The following ARHGEF7 variants were observed in gnomAD, a reference collection of about 807,000 sequenced individuals.
ARHGEF7 encodes Rho guanine nucleotide exchange factor 7.
In ARHGEF7, 33 loss-of-function variants were observed where a neutral mutation model predicts 109.8. The ratio of observed to expected loss-of-function variants is 0.30; its 90% CI spans 0.23 to 0.40. The LOEUF (loss-of-function observed/expected upper bound fraction) is 0.40. Among genes scored for constraint, ARHGEF7 ranks in the 10% least tolerant of loss-of-function variants. ARHGEF7 has a pLI of 1.00. For missense variants in ARHGEF7, 938 were observed against 1,098.5 expected, an observed-to-expected ratio of 0.85 and a Z score of 2.07; for synonymous variants, 458 against 424.6, an observed-to-expected ratio of 1.08 and a Z score of -0.97.
intron 6 of ARHGEF7, among the ~76,000 whole-genome samples, chr13:111,234,031 CCTCT>C (rs1458799121): frequency 1.3e-5 from 2 of 151,876 alleles, no homozygotes; most frequent in Non-Finnish European, 2.9e-5. Context: ...CAAAGTAAAC[CCTCT>C]AAACATGTGT....
At chr13:111,204,637 G>A (rs1274651381) in intron 2 of ARHGEF7, among the ~76,000 whole-genome samples, 1 of 152,002 alleles carries the variant, frequency 6.6e-6, no homozygotes, top group Non-Finnish European at 1.5e-5. Context: ...GTGGCAATGT[G>A]ACCAGCTCCA....
chr13:111,253,902 C>T (rs898217613), intron 8 of ARHGEF7, among the ~76,000 whole-genome samples: 37 of 152,238 alleles, frequency 2.4e-4, no homozygotes, highest in African/African-American at 8.4e-4. Flanking sequence ...GGCTCTGCTG[C>T]ATGCCACCAT....
intron 8 of ARHGEF7, among the ~76,000 whole-genome samples, chr13:111,261,565 A>G (rs2091093075): frequency 6.6e-6 from 1 of 152,214 alleles, no homozygotes; most frequent in South Asian, 2.1e-4. Context: ...CAGAAAAGCA[A>G]CAAAGACACT....
rs2092427218 is a variant in ARHGEF7 at position 111,275,555 on chromosome 13, G to A, written c.1296G>A (p.Lys432=). ...NLSAQCQEVR[K]RKELELQILT... is the part of the protein sequence containing the mutation. ...AGGCCCAATGTCAAGAAGTCCGGAA[G>A]AGGAAAGAGCTTGAGCTGCAGATCC... The change falls in exon 12 of 22, where the codon AAG becomes AAA. Residue 432 remains lysine (K), a synonymous_variant. Coordinates refer to ENST00000646102, the MANE Select transcript of ARHGEF7 (RefSeq NM_001354046.2). 1 of 1,614,026 alleles carries A rather than the reference G, an allele frequency of 6.2e-7. No homozygotes were observed. The highest frequency in any genetic ancestry group is 1.3e-5 in the African/African-American group (1 of 75,048).
intron 2 of ARHGEF7, 121 bp from the exon 3 acceptor site, chr13:111,205,168 C>T: frequency 1.5e-6 from 1 of 675,588 alleles, no homozygotes; most frequent in Non-Finnish European, 2.5e-6. Flanking sequence ...CTCCCTGTCG[C>T]AGGTTGTGCG....
Position 111,115,402 on chromosome 13 carries a change from G to A in ARHGEF7, c.-125G>A, listed in dbSNP as rs2066663685. 2 of 657,562 alleles carry A rather than the reference G, an allele frequency of 3.0e-6. No homozygotes were observed. The highest frequency in any genetic ancestry group is 2.0e-5 in the African/African-American group (1 of 50,128). 40.7% of individuals were successfully genotyped at this position (657,562 alleles called of 1,614,324 possible). A position where few individuals can be genotyped will look rare whatever the true frequency, so the allele number is the denominator to read the frequency against. ...GGCCGGACCTGCTGGGCCGCGCCGAGCCAATCGCCGGCGCCGGCCGCTCGA... is the reference window on the plus strand; with the variant it reads ...GGCCGGACCTGCTGGGCCGCGCCGAACCAATCGCCGGCGCCGGCCGCTCGA... On this transcript the variant is annotated 5_prime_UTR_variant, in exon 1 of 22. Coordinates refer to ENST00000646102, the MANE Select transcript of ARHGEF7 (RefSeq NM_001354046.2).
rs2076856730 is a variant in ARHGEF7 at position 111,162,936 on chromosome 13, T to TG, written c.252+8946dup. Among the ~76,000 whole-genome samples, 3 of 152,252 alleles carry TG rather than the reference T, an allele frequency of 2.0e-5. No individual in the cohort carries two copies. The South Asian group carries it at 6.2e-4, about 31-fold the overall frequency. ...TGGGATGGGACGCCCAGCCAAGTGT[T>TG]GTCTTTGTTCTAGATTCAGACAGAT... On this transcript the variant is annotated intron_variant, in intron 2 of 21. Transcript: ENST00000646102.
intron 2 of ARHGEF7, among the ~76,000 whole-genome samples, chr13:111,168,600 C>G (rs911520414): frequency 1.3e-5 from 2 of 152,084 alleles, no homozygotes; most frequent in African/African-American, 4.8e-5. Flanking sequence ...AAAGGGATAT[C>G]CTTATAGATT....
chr13:111,283,124 C>T lies in ARHGEF7; in HGVS notation c.1726-15C>T, dbSNP rs769302975. On this transcript the variant is annotated splice_polypyrimidine_tract_variant and intron_variant, in intron 15 of 21. Coordinates refer to ENST00000646102, the MANE Select transcript of ARHGEF7 (RefSeq NM_001354046.2). ...TCTCATGTTCTCTGCCCTTCCCGCTCTGTGCCCTTGGCAGCTCCCCTCCCA... is the reference window on the plus strand; with the variant it reads ...TCTCATGTTCTCTGCCCTTCCCGCTTTGTGCCCTTGGCAGCTCCCCTCCCA... The T allele has an allele frequency of 1.9e-6, 3 of 1,571,374 alleles. No homozygotes were observed. The highest frequency in any genetic ancestry group is 2.7e-5 in the African/African-American group (2 of 74,358).
intron 8 of ARHGEF7, among the ~76,000 whole-genome samples, chr13:111,256,351 A>G (rs1001205084): frequency 1.8e-4 from 27 of 152,252 alleles, no homozygotes; most frequent in Middle Eastern, 3.4e-3. Flanking sequence ...TTTAGCCACC[A>G]TGCCTTCTTT....
At chr13:111,241,205 T>C in intron 6 of ARHGEF7, 3 of 1,536,124 alleles carry the variant, frequency 2.0e-6, no homozygotes, top group Non-Finnish European at 2.6e-6. Flanking sequence ...AAGCTGCCTT[T>C]TCTTTGAAAA....
At chr13:111,291,866 A>G (rs1257770288) in intron 18 of ARHGEF7, among the ~76,000 whole-genome samples, 1 of 152,228 alleles carries the variant, frequency 6.6e-6, no homozygotes, top group East Asian at 1.9e-4. Context: ...AGTTTGAAAC[A>G]TTGTATATTA....
At chr13:111,166,010 C>T (rs2077095036) in intron 2 of ARHGEF7, among the ~76,000 whole-genome samples, 1 of 152,168 alleles carries the variant, frequency 6.6e-6, no homozygotes, top group East Asian at 1.9e-4. Flanking sequence ...GGAGTCCCCA[C>T]TCCCTGCCAT....
chr13:111,198,993 C>T (rs750860251), intron 2 of ARHGEF7, among the ~76,000 whole-genome samples: 2 of 152,172 alleles, frequency 1.3e-5, no homozygotes, highest in Non-Finnish European at 2.9e-5. Context: ...CTGATAGGTG[C>T]GTTTACAAAC....
At chr13:111,293,883 C>A (rs2093362065) in intron 19 of ARHGEF7, 2 of 985,360 alleles carry the variant, frequency 2.0e-6, no homozygotes, top group African/African-American at 1.7e-5. Context: ...TCCTGCTGCT[C>A]ACAAGCCCAG....
chr13:111,232,843 A>G (rs763872913), intron 5 of ARHGEF7, among the ~76,000 whole-genome samples: 59 of 152,290 alleles, frequency 3.9e-4, no homozygotes, highest in Non-Finnish European at 7.5e-4. Flanking sequence ...ATTGTTATGT[A>G]TCTGCCAAAA....
chr13:111,233,054 G>A, intron 5 of ARHGEF7, 151 bp from the exon 6 acceptor site: 2 of 651,180 alleles, frequency 3.1e-6, no homozygotes, highest in Admixed American at 4.6e-5. Context: ...GGGGCACTGA[G>A]GGTCACTGTG....
chr13:111,213,051 G>T (rs2082686630), intron 4 of ARHGEF7, among the ~76,000 whole-genome samples: 1 of 152,202 alleles, frequency 6.6e-6, no homozygotes, highest in Non-Finnish European at 1.5e-5. Flanking sequence ...GAAATTATAG[G>T]TGCTCTTAGA....
At chr13:111,192,923 A>T (rs566774873) in intron 2 of ARHGEF7, among the ~76,000 whole-genome samples, 10 of 152,320 alleles carry the variant, frequency 6.6e-5, no homozygotes, top group African/African-American at 2.4e-4. Flanking sequence ...ACTTAGGCAT[A>T]TGGGTGAAGT....
Sources: gnomAD v4.1 joint callset for allele counts (sites outside exome capture counted in the v4.1 genomes callset) on GRCh38, gnomAD v4.1.1 for gene constraint, MANE v1.5 for transcripts, NCBI Gene and HGNC (gene_info 2026-07-23, HGNC 2026-07-21) for gene names.